The following CCDC181 variants were observed in gnomAD, a reference collection of about 807,000 sequenced individuals.
CCDC181 encodes coiled-coil domain containing 181.
CCDC181 carries 35 observed loss-of-function variants against 58.7 expected under a neutral mutation model. The ratio of observed to expected loss-of-function variants is 0.60; its 90% CI spans 0.46 to 0.79. CCDC181 has a LOEUF of 0.79. CCDC181 is among the 30% of genes least tolerant of loss of function. The pLI is 0.00. For missense variants in CCDC181, 517 were observed against 583.9 expected (o/e 0.89, Z 1.18); for synonymous variants, 183 against 197.5 (o/e 0.93, Z 0.62).
At chr1:169,395,532 G>C (rs1179052556) in intron 5 of CCDC181, among the ~76,000 whole-genome samples, 1 of 151,934 alleles carries the variant, frequency 6.6e-6, no homozygotes, top group East Asian at 1.9e-4. Flanking sequence ...CTTACTATTT[G>C]GTAGATTCCA....
At position 169,394,968 on chromosome 1, in the gene CCDC181, A is replaced by AC. The variant is rs1491069625; in HGVS notation, c.*78_*79insG. On this transcript the variant is annotated 3_prime_UTR_variant, in exon 6 of 6. Coordinates refer to ENST00000367806, the MANE Select transcript of CCDC181 (RefSeq NM_001300969.2). ...ATACCATTTCCATAATTTAGAATAC[A>AC]ACCAAAGTACACAGACCCTAAGAAA... The AC allele has an allele frequency of 1.3e-3, 1,629 of 1,274,078 alleles. 14 individuals are homozygous for AC. In the African/African-American group the frequency reaches 0.021, roughly 16 times the overall value. The allele number at this position is 1,274,078 out of a possible 1,614,324, so 78.9% of individuals were successfully genotyped here.
At chr1:169,398,121 G>T (rs1439596139) in intron 4 of CCDC181, among the ~76,000 whole-genome samples, 2 of 152,114 alleles carry the variant, frequency 1.3e-5, no homozygotes, top group Non-Finnish European at 2.9e-5. Context: ...CCAAACACCT[G>T]GAAGTCTGGG....
intron 4 of CCDC181, 61 bp from the exon 5 acceptor site, chr1:169,397,452 G>T: frequency 7.1e-7 from 1 of 1,398,930 alleles, no homozygotes. Flanking sequence ...TTGAAGCCCT[G>T]CTTATGGGAT....
At chr1:169,448,099 G>A (rs1464092661) in intron 2 of CCDC181, among the ~76,000 whole-genome samples, 1 of 152,050 alleles carries the variant, frequency 6.6e-6, no homozygotes, top group African/African-American at 2.4e-5. Context: ...ATGTAGTGCA[G>A]GTACCTAATA....
chr1:169,437,610 G>A (rs1657091623), intron 2 of CCDC181, among the ~76,000 whole-genome samples: 2 of 152,218 alleles, frequency 1.3e-5, no homozygotes, highest in South Asian at 4.1e-4. Flanking sequence ...TAATGTGTTG[G>A]CTAGTGAAGA....
At chr1:169,418,600 GT>G (rs1358932466) in intron 4 of CCDC181, among the ~76,000 whole-genome samples, 2 of 150,004 alleles carry the variant, frequency 1.3e-5, no homozygotes, top group Non-Finnish European at 3.0e-5. Flanking sequence ...TTCTGTTTTA[GT>G]TTTTTTAATT....
upstream of CCDC181, among the ~76,000 whole-genome samples, chr1:169,432,271 A>G (rs1656941941): frequency 1.3e-5 from 2 of 152,180 alleles, no homozygotes; most frequent in South Asian, 4.1e-4. Context: ...GAACTTAAAG[A>G]TAAGACAATT....
At chr1:169,444,321 G>A (rs910555244) in intron 2 of CCDC181, among the ~76,000 whole-genome samples, 1 of 152,108 alleles carries the variant, frequency 6.6e-6, no homozygotes, top group African/African-American at 2.4e-5. Flanking sequence ...GCTCTTGCAC[G>A]AGGAAGAAGA....
Position 169,414,441 on chromosome 1 carries a change from C to G in CCDC181, c.1215+4572G>C, listed in dbSNP as rs141360928. On this transcript the variant is annotated intron_variant, in intron 4 of 5. Coordinates refer to ENST00000367806, the MANE Select transcript of CCDC181 (RefSeq NM_001300969.2). ...GGAAGACAATAAGCATGCAGAAGAT[C>G]TTAACAACACTATCAACCAACTAGA... 1.3e-3 allele frequency among the ~76,000 whole-genome samples: 200 copies of G among 152,258 alleles called. 1 individual carries two copies. The East Asian group carries it at 0.017, about 13-fold the overall frequency.
At chr1:169,402,682 G>A (rs1655417278) in intron 4 of CCDC181, among the ~76,000 whole-genome samples, 4 of 152,116 alleles carry the variant, frequency 2.6e-5, no homozygotes, top group Admixed American at 6.6e-5. Flanking sequence ...GGAACAACCA[G>A]TACCAGCCAC....
intron 4 of CCDC181, among the ~76,000 whole-genome samples, chr1:169,408,919 T>TA (rs1356952202): frequency 6.6e-6 from 1 of 152,088 alleles, no homozygotes; most frequent in Non-Finnish European, 1.5e-5. Context: ...GATAAATCCA[T>TA]AAAGATGAGG....
intron 2 of CCDC181, 127 bp downstream of exon 2, chr1:169,424,684 T>A (rs1196726208): frequency 1.8e-6 from 1 of 559,662 alleles, no homozygotes; most frequent in Non-Finnish European, 3.2e-6. Context: ...ATGAGGATAA[T>A]AGTAATTTGC....
intron 2 of CCDC181, among the ~76,000 whole-genome samples, chr1:169,453,727 T>A (rs1458016468): frequency 2.9e-5 from 1 of 35,042 alleles, no homozygotes; most frequent in Non-Finnish European, 7.6e-5. Context: ...CACATAATTC[T>A]TTTTTTTTTT....
At chr1:169,443,270 A>G (rs1657285162) in intron 2 of CCDC181, 1 of 151,970 alleles carries the variant, frequency 6.6e-6, no homozygotes, top group East Asian at 1.9e-4. Flanking sequence ...TGTTTAGTAG[A>G]TTTTTACAGC....
At chr1:169,413,292 G>A (rs943225317) in intron 4 of CCDC181, among the ~76,000 whole-genome samples, 3 of 152,210 alleles carry the variant, frequency 2.0e-5, no homozygotes, top group South Asian at 2.1e-4. Context: ...TGGTATTAGA[G>A]AAATGCAAAT....
chr1:169,408,216 G>A (rs990988243), intron 4 of CCDC181, among the ~76,000 whole-genome samples: 2 of 152,208 alleles, frequency 1.3e-5, no homozygotes, highest in Non-Finnish European at 1.5e-5. Context: ...GACCTGGGAC[G>A]CTCGAGCTTC....
At chr1:169,430,217 G>A (rs1465912239), upstream of CCDC181, among the ~76,000 whole-genome samples, 1 of 152,100 alleles carries the variant, frequency 6.6e-6, no homozygotes, top group Admixed American at 6.5e-5. Context: ...TTTGAAGTTG[G>A]GTAATGTAAT....
intron 2 of CCDC181, among the ~76,000 whole-genome samples, chr1:169,457,801 T>A (rs1185079026): frequency 6.6e-6 from 1 of 152,176 alleles, no homozygotes; most frequent in East Asian, 1.9e-4. Flanking sequence ...CAAATATACA[T>A]GTACAATATT....
Position 169,421,407 on chromosome 1 carries a change from G to T in CCDC181, c.1024C>A (p.Leu342Ile), listed in dbSNP as rs758833904. ...CTCTTTTCTTCTAGTTGTTTTTGTA[G>T]TTCTTTCTGTCGAGGGGAAAGACAG... ...TYCLSPRQKELQKQLEEKREK... is the reference protein window; with the variant it reads ...TYCLSPRQKEIQKQLEEKREK... The change falls in exon 3 of 6, where the codon CTA (leucine) becomes ATA (isoleucine). Residue 342 changes from leucine to isoleucine, a missense_variant. Physicochemically the swap from Leu to Ile is conservative, Grantham distance 5 (BLOSUM62 2). Coordinates refer to ENST00000367806, the MANE Select transcript of CCDC181 (RefSeq NM_001300969.2). 1 of 1,612,564 alleles carries T rather than the reference G, an allele frequency of 6.2e-7. No homozygotes were observed. The highest frequency in any genetic ancestry group is 1.7e-5 in the Admixed American group (1 of 59,818).
Sources: allele counts gnomAD v4.1 joint callset (sites outside exome capture counted in the v4.1 genomes callset), GRCh38; gene constraint gnomAD v4.1.1; transcripts MANE v1.5; gene names NCBI Gene and HGNC (gene_info 2026-07-23, HGNC 2026-07-21).